Variants in NRG3 observed in about 807,000 individuals in gnomAD.
NRG3 encodes the protein pro-neuregulin-3, membrane-bound isoform.
NRG3 carries 31 observed loss-of-function variants against 66.9 expected under a neutral mutation model. That is an observed-to-expected ratio of 0.46 (90% CI 0.35 to 0.63). The LOEUF (loss-of-function observed/expected upper bound fraction) is 0.63. Ranked by LOEUF, NRG3 falls within the 20% of genes least tolerant of loss-of-function variation. The pLI, the probability that NRG3 is intolerant of heterozygous loss-of-function variation, is 0.00. For synonymous variants in NRG3, 393 were observed against 359.4 expected (o/e 1.09, Z -1.06); for missense variants, 910 against 878.9 (o/e 1.04, Z -0.45).
chr10:81,877,030 T>C (rs983787994), intron 1 of NRG3, among the ~76,000 whole-genome samples: 12 of 152,014 alleles, frequency 7.9e-5, no homozygotes, highest in Middle Eastern at 3.2e-3. Flanking sequence ...TATAGACGAG[T>C]TGAGAGTTTT....
At chr10:82,870,658 C>CA (rs1221827288) in intron 4 of NRG3, among the ~76,000 whole-genome samples, 1 of 152,110 alleles carries the variant, frequency 6.6e-6, no homozygotes. Context: ...CTCACTGTTT[C>CA]AATTTGGACT....
At chr10:82,902,170 A>C (rs1211235748) in intron 4 of NRG3, among the ~76,000 whole-genome samples, 2 of 152,156 alleles carry the variant, frequency 1.3e-5, no homozygotes, top group African/African-American at 2.4e-5. Context: ...TATTGGGTTT[A>C]TTCACAGTTT....
chr10:82,595,738 T>TG (rs2047236579), intron 2 of NRG3, among the ~76,000 whole-genome samples: 1 of 151,742 alleles, frequency 6.6e-6, no homozygotes, highest in Non-Finnish European at 1.5e-5. Flanking sequence ...TGAGCCGAGA[T>TG]CATGCCATTG....
chr10:82,931,701 T>G (rs1397137800), intron 4 of NRG3, among the ~76,000 whole-genome samples: 2 of 152,198 alleles, frequency 1.3e-5, no homozygotes, highest in African/African-American at 4.8e-5. Flanking sequence ...TGTTGTTTTT[T>G]AATAAAACAC....
intron 1 of NRG3, among the ~76,000 whole-genome samples, chr10:81,962,766 G>A (rs2059569658): frequency 6.6e-6 from 1 of 152,198 alleles, no homozygotes; most frequent in Non-Finnish European, 1.5e-5. Flanking sequence ...GGCTCCTCCA[G>A]TCACATGTCC....
intron 3 of NRG3, among the ~76,000 whole-genome samples, chr10:82,748,957 G>A (rs150547942): frequency 1.3e-5 from 2 of 152,166 alleles, no homozygotes; most frequent in East Asian, 3.9e-4. Flanking sequence ...TTCCCATAGA[G>A]TTATAATTAT....
intron 1 of NRG3, among the ~76,000 whole-genome samples, chr10:82,020,829 G>T (rs1360934584): frequency 1.3e-5 from 2 of 151,930 alleles, no homozygotes; most frequent in Non-Finnish European, 2.9e-5. Context: ...CTTCCAATCC[G>T]GTTGCAGCAA....
intron 1 of NRG3, among the ~76,000 whole-genome samples, chr10:82,164,584 A>G (rs1443261692): frequency 6.6e-6 from 1 of 152,116 alleles, no homozygotes; most frequent in African/African-American, 2.4e-5. Flanking sequence ...ACCTCCATGA[A>G]TAACTCTGGC....
intron 3 of NRG3, among the ~76,000 whole-genome samples, chr10:82,850,548 C>G (rs116226264): frequency 6.6e-6 from 1 of 152,034 alleles, no homozygotes; most frequent in East Asian, 1.9e-4. Flanking sequence ...TGAATTGACA[C>G]CAAATAAAAT....
At chr10:82,803,721 A>G (rs138182096) in intron 3 of NRG3, among the ~76,000 whole-genome samples, 5 of 152,196 alleles carry the variant, frequency 3.3e-5, no homozygotes, top group African/African-American at 1.2e-4. Flanking sequence ...TGAAGCGTAA[A>G]TATGTATTTT....
At chr10:82,027,446 T>C (rs899450414) in intron 1 of NRG3, among the ~76,000 whole-genome samples, 3 of 152,088 alleles carry the variant, frequency 2.0e-5, no homozygotes, top group Admixed American at 6.6e-5. Flanking sequence ...TTTTTAACTA[T>C]GTTTGAAAGA....
chr10:82,030,800 T>C (rs1165386574), intron 1 of NRG3, among the ~76,000 whole-genome samples: 1 of 151,354 alleles, frequency 6.6e-6, no homozygotes, highest in Non-Finnish European at 1.5e-5. Flanking sequence ...TTGCAAAAAA[T>C]AGGTTGTGCA....
At chr10:82,369,486 G>T (rs2135721151) in intron 2 of NRG3, among the ~76,000 whole-genome samples, 1 of 137,442 alleles carries the variant, frequency 7.3e-6, no homozygotes, top group South Asian at 2.2e-4. Context: ...TTTTTGTACT[G>T]GTGGGGTCTC....
At chr10:82,166,086 G>T (rs372352196) in intron 1 of NRG3, among the ~76,000 whole-genome samples, 11 of 151,972 alleles carry the variant, frequency 7.2e-5, no homozygotes, top group African/African-American at 2.7e-4. Flanking sequence ...GCAACAGCGC[G>T]ATCTCAGCTC....
intron 1 of NRG3, among the ~76,000 whole-genome samples, chr10:81,880,633 G>T (rs1461834056): frequency 6.6e-6 from 1 of 152,112 alleles, no homozygotes; most frequent in Non-Finnish European, 1.5e-5. Flanking sequence ...TGCTTTTGTA[G>T]AAATTCTTTC....
intron 1 of NRG3, among the ~76,000 whole-genome samples, chr10:81,891,019 A>T (rs1842964954): frequency 6.6e-6 from 1 of 152,220 alleles, no homozygotes; most frequent in South Asian, 2.1e-4. Flanking sequence ...TTGCATAAAA[A>T]TAAATCACAC....
chr10:82,890,140 T>C (rs1179840729), intron 4 of NRG3, among the ~76,000 whole-genome samples: 1 of 151,990 alleles, frequency 6.6e-6, no homozygotes, highest in Non-Finnish European at 1.5e-5. Context: ...TTTTTTTTTT[T>C]TTTTTAAGTA....
At chr10:82,683,984 G>A (rs191409191) in intron 2 of NRG3, among the ~76,000 whole-genome samples, 1 of 151,852 alleles carries the variant, frequency 6.6e-6, no homozygotes, top group Admixed American at 6.6e-5. Flanking sequence ...TTACATCTTT[G>A]CAAACAGGAG....
intron 1 of NRG3, among the ~76,000 whole-genome samples, chr10:82,151,053 T>G (rs183151567): frequency 9.9e-5 from 15 of 152,248 alleles, no homozygotes; most frequent in Non-Finnish European, 1.9e-4. Flanking sequence ...CTGGCAAAAA[T>G]GTATGCTAAG....
Sources: gnomAD v4.1 joint callset for allele counts (sites outside exome capture counted in the v4.1 genomes callset) on GRCh38, gnomAD v4.1.1 for gene constraint, MANE v1.5 for transcripts, NCBI Gene and HGNC (gene_info 2026-07-23, HGNC 2026-07-21) for gene names.